The following CYP2J2 variants were observed in gnomAD, a reference collection of about 807,000 sequenced individuals.
CYP2J2 encodes cytochrome P450 family 2 subfamily J member 2.
Under a neutral mutation model 48.8 loss-of-function variants are expected in CYP2J2, and 41 were observed. That is an observed-to-expected ratio of 0.84 (90% confidence interval 0.66 to 1.09). CYP2J2 has a LOEUF of 1.09. Among genes scored for constraint, CYP2J2 ranks in the 50% least tolerant of loss-of-function variants. The probability of loss-of-function intolerance (pLI) is 0.00; values close to 1 mark genes in which losing one functional copy is unlikely to be tolerated. For missense variants in CYP2J2, 644 were observed against 617.3 expected (o/e 1.04, Z -0.46); for synonymous variants, 221 against 227.1 (o/e 0.97, Z 0.24).
At chr1:59,894,875 C>T in intron 8 of CYP2J2, among the ~76,000 whole-genome samples, 1 of 152,202 alleles carries the variant, frequency 6.6e-6, no homozygotes, top group East Asian at 1.9e-4. Context: ...TGGGTGGTAG[C>T]ATTACTCAAA....
the CYP2J2 span, among the ~76,000 whole-genome samples, chr1:59,942,086 T>G: frequency 6.6e-6 from 1 of 152,188 alleles, no homozygotes; most frequent in Non-Finnish European, 1.5e-5. Context: ...ATTTTTTGTA[T>G]TTTGTACCAC....
At chr1:59,894,587 TAAAC>T (rs1430022440) in intron 8 of CYP2J2, among the ~76,000 whole-genome samples, 1 of 152,206 alleles carries the variant, frequency 6.6e-6, no homozygotes, top group Non-Finnish European at 1.5e-5. Context: ...TGGGGCAAAT[TAAAC>T]AACCTCTCTA....
the CYP2J2 span, among the ~76,000 whole-genome samples, chr1:59,954,072 CTT>C: frequency 6.6e-6 from 1 of 152,272 alleles, no homozygotes; most frequent in East Asian, 1.9e-4. Context: ...TCAGTAAAAT[CTT>C]TGAGTCAGTG....
the CYP2J2 span, among the ~76,000 whole-genome samples, chr1:59,964,278 T>C: frequency 0.082 from 12,447 of 152,272 alleles, 532 homozygotes; most frequent in Middle Eastern, 0.12. Context: ...CACCTCTGCC[T>C]GGCACTGACA....
rs1341320404 is a variant in CYP2J2 at position 59,911,608 on chromosome 1, C to G, written c.684G>C (p.Gln228His). The change falls in exon 4 of 9, where the codon CAG becomes CAC. Residue 228 changes from glutamine to histidine, a missense_variant and splice_region_variant. Coordinates refer to ENST00000371204, the MANE Select transcript of CYP2J2 (RefSeq NM_000775.4). ...AGATATGGAGAGACAGCTGCCTTAC[C>G]TGGCATGTCTTTGAAGCCTCCAAGT... ...VTYLEASKTC[Q>H]LYNVFPWIMK... is the part of the protein sequence containing the mutation. 2 of 1,599,980 alleles carry G rather than the reference C, an allele frequency of 1.3e-6. No individual in the cohort carries two copies. Among genetic ancestry groups the G allele is most frequent in the South Asian group, 2.3e-5 (2 of 88,650 alleles).
intron 6 of CYP2J2, among the ~76,000 whole-genome samples, chr1:59,907,139 A>G (rs1162009616): frequency 2.0e-5 from 3 of 152,218 alleles, no homozygotes; most frequent in Non-Finnish European, 4.4e-5. Context: ...GGCACATTAC[A>G]TCATCTCTGG....
intron 1 of CYP2J2, among the ~76,000 whole-genome samples, chr1:59,919,832 C>G (rs958134058): frequency 6.6e-6 from 1 of 152,168 alleles, no homozygotes; most frequent in African/African-American, 2.4e-5. Context: ...TTTCTGAGAA[C>G]AGGCTGTGGA....
chr1:59,919,799 G>C (rs1318730317), intron 1 of CYP2J2, among the ~76,000 whole-genome samples: 1 of 152,206 alleles, frequency 6.6e-6, no homozygotes, highest in Non-Finnish European at 1.5e-5. Context: ...TGGTCTCACA[G>C]GTAGTTCTTG....
Position 59,911,800 on chromosome 1 carries a change from T to C in CYP2J2, c.524-32A>G, listed in dbSNP as rs372402076. 1.1e-4 allele frequency: 168 copies of C among 1,599,232 alleles called. No individual in the cohort carries two copies. The East Asian group carries it at 2.3e-3, about 22-fold the overall frequency. On this transcript the variant is annotated intron_variant, in intron 3 of 8. Transcript: ENST00000371204. The stretch of plus-strand genomic sequence containing the variant: ...GTGGAGGAAGGGCAAGATGGATCCT[T>C]CTGATGGATTTGTCTCCATTTCCTA...
At chr1:59,930,345 T>C (rs1644597207), upstream of CYP2J2, among the ~76,000 whole-genome samples, 1 of 152,266 alleles carries the variant, frequency 6.6e-6, no homozygotes, top group East Asian at 1.9e-4. Flanking sequence ...TTCATAGTGA[T>C]TACACCATTT....
chr1:59,927,745 G>A (rs1644580412), upstream of CYP2J2, among the ~76,000 whole-genome samples: 1 of 152,032 alleles, frequency 6.6e-6, no homozygotes. Context: ...GCTAATTTTT[G>A]TATTTTTGGT....
At chr1:59,894,770 C>T (rs1644254436) in intron 8 of CYP2J2, among the ~76,000 whole-genome samples, 1 of 152,200 alleles carries the variant, frequency 6.6e-6, no homozygotes, top group East Asian at 1.9e-4. Context: ...TAATAATAAA[C>T]ATAACTGTAC....
the CYP2J2 span, among the ~76,000 whole-genome samples, chr1:59,947,343 T>C: frequency 6.6e-6 from 1 of 152,168 alleles, no homozygotes; most frequent in Non-Finnish European, 1.5e-5. Context: ...TCCCAAAGAC[T>C]ATTTGGCGAA....
chr1:59,911,637 T>C lies in CYP2J2; in HGVS notation c.655A>G (p.Thr219Ala), dbSNP rs1196048483. Reference sequence around the variant, plus strand: ...CATGTCTTTGAAGCCTCCAAGTATGTGACTTCATCTAGTAACTTCAGCAGC... The same window carrying C: ...CATGTCTTTGAAGCCTCCAAGTATGCGACTTCATCTAGTAACTTCAGCAGC... ...QQLLKLLDEVTYLEASKTCQL... is the reference protein window; with the variant it reads ...QQLLKLLDEVAYLEASKTCQL... The change falls in exon 4 of 9, where the codon ACA (threonine) becomes GCA (alanine). Residue 219 changes from threonine (T) to alanine (A), a missense_variant. Transcript: ENST00000371204. The C allele has an allele frequency of 6.2e-7, 1 of 1,612,808 alleles. No homozygotes were observed. Among genetic ancestry groups the C allele is most frequent in the Non-Finnish European group, 8.5e-7 (1 of 1,179,198 alleles).
At chr1:59,914,804 G>A (rs1441067712) in intron 2 of CYP2J2, among the ~76,000 whole-genome samples, 1 of 152,180 alleles carries the variant, frequency 6.6e-6, no homozygotes. Flanking sequence ...GTCTGTGCTG[G>A]GGAGGATTAA....
chr1:59,926,438 G>A, intron 1 of CYP2J2, 99 bp downstream of exon 1: 1 of 994,712 alleles, frequency 1.0e-6, no homozygotes, highest in Non-Finnish European at 1.6e-6. Flanking sequence ...ACCTCTTCCT[G>A]CCCTTCATCC....
At chr1:59,960,497 A>G in the CYP2J2 span, among the ~76,000 whole-genome samples, 1 of 152,216 alleles carries the variant, frequency 6.6e-6, no homozygotes, top group Admixed American at 6.6e-5. Context: ...TCAGTCTTTG[A>G]CCACTGCATA....
intron 6 of CYP2J2, 131 bp downstream of exon 6, chr1:59,907,655 G>A (rs1243339810): frequency 1.1e-6 from 1 of 911,620 alleles, no homozygotes; most frequent in African/African-American, 1.7e-5. Context: ...CAGTTTCCAA[G>A]TCCTCATCAC....
chr1:59,968,014 TTC>T, the CYP2J2 span, among the ~76,000 whole-genome samples: 508 of 152,238 alleles, frequency 3.3e-3, 1 homozygote, highest in African/African-American at 0.012. Flanking sequence ...ATTGCAAGAA[TTC>T]TCTGTTCTTC....
Sources: allele counts gnomAD v4.1 joint callset (sites outside exome capture counted in the v4.1 genomes callset), GRCh38; gene constraint gnomAD v4.1.1; transcripts MANE v1.5; gene names NCBI Gene and HGNC (gene_info 2026-07-23, HGNC 2026-07-21).